ROPN1: variants seen among roughly 807,000 people sequenced by gnomAD.
The protein encoded by ROPN1 is rhophilin associated tail protein 1, also known as ropporin-1A.
A neutral mutation model predicts 20.5 loss-of-function variants in ROPN1; 14 were observed. That is an observed-to-expected ratio of 0.68 (90% CI 0.45 to 1.07). ROPN1 has a LOEUF of 1.07. ROPN1 is among the 50% of genes least tolerant of loss of function. ROPN1 has a pLI of 0.00. For missense variants in ROPN1, 169 were observed against 242.8 expected, an observed-to-expected ratio of 0.70 and a Z score of 2.02; for synonymous variants, 76 against 95.7, an observed-to-expected ratio of 0.79 and a Z score of 1.20.
intron 1 of ROPN1, among the ~76,000 whole-genome samples, chr3:123,984,855 G>C (rs1431814864): frequency 6.6e-6 from 1 of 151,996 alleles, no homozygotes; most frequent in Non-Finnish European, 1.5e-5. Flanking sequence ...ATTCTAGCCG[G>C]CTTACTTGAA....
chr3:123,973,108 A>G (rs2037946742), intron 4 of ROPN1, among the ~76,000 whole-genome samples: 1 of 152,190 alleles, frequency 6.6e-6, no homozygotes, highest in South Asian at 2.1e-4. Context: ...CCTACTTTTA[A>G]GGCCATCACC....
intron 1 of ROPN1, among the ~76,000 whole-genome samples, chr3:123,988,181 T>C (rs1472481114): frequency 6.6e-6 from 1 of 152,088 alleles, no homozygotes; most frequent in African/African-American, 2.4e-5. Context: ...AGTCTTGCTC[T>C]GTCACCCAGG....
intron 1 of ROPN1, among the ~76,000 whole-genome samples, chr3:123,982,099 C>T (rs1480442632): frequency 6.6e-6 from 1 of 152,026 alleles, no homozygotes; most frequent in Non-Finnish European, 1.5e-5. Flanking sequence ...CAGAAAGACT[C>T]AAGGTGAAAA....
At position 123,980,367 on chromosome 3, in the gene ROPN1, C is replaced by T; in HGVS notation, c.115G>A (p.Asp39Asn). Residue 39 changes from aspartate (D) to asparagine (N), a missense_variant and splice_region_variant, in exon 2 of 6, where the codon GAT becomes AAT. This residue lies in a region of ROPN1 where 84 missense variants were observed against 99.3 expected (regional missense o/e 0.85). Coordinates refer to ENST00000405845, the MANE Select transcript of ROPN1 (RefSeq NM_001317774.2). Reference sequence around the variant, plus strand: ...TGAAGGCGAGAAAGGAGCACGTACTCGGCTGCCCACTGGATGAGGTCCTGC... The same window carrying T: ...TGAAGGCGAGAAAGGAGCACGTACTTGGCTGCCCACTGGATGAGGTCCTGC... The part of the protein sequence containing the change: ...QPQDLIQWAA[D>N]YFEALSRGET... 2 of 1,614,176 alleles carry T rather than the reference C, an allele frequency of 1.2e-6. No homozygotes were observed. The highest frequency in any genetic ancestry group is 1.7e-5 in the Admixed American group (1 of 60,032).
intron 2 of ROPN1, among the ~76,000 whole-genome samples, chr3:123,978,300 G>T (rs1002268505): frequency 6.6e-6 from 1 of 152,178 alleles, no homozygotes; most frequent in Non-Finnish European, 1.5e-5. Flanking sequence ...GACAATAGGA[G>T]CAGGGTGTGG....
intron 4 of ROPN1, among the ~76,000 whole-genome samples, chr3:123,973,803 T>G (rs6438821): frequency 0.88 from 134,510 of 152,200 alleles, 59,529 homozygotes; most frequent in East Asian, 1. Flanking sequence ...ATGAGCCAGT[T>G]GGGGAGGCAT....
At chr3:123,972,489 A>G (rs147416154) in intron 4 of ROPN1, among the ~76,000 whole-genome samples, 261 of 152,340 alleles carry the variant, frequency 1.7e-3, no homozygotes, top group Non-Finnish European at 3.1e-3. Context: ...GAACATGATT[A>G]TTTTCTACAT....
Position 123,970,167 on chromosome 3 carries a change from A to T in ROPN1, c.447T>A (p.His149Gln), listed in dbSNP as rs1317058754. The T allele has an allele frequency of 6.2e-7, 1 of 1,614,156 alleles. No individual in the cohort carries two copies. Among genetic ancestry groups the T allele is most frequent in the Non-Finnish European group, 8.5e-7 (1 of 1,179,980 alleles). Residue 149 changes from histidine (H) to glutamine (Q), a missense_variant, in exon 5 of 6, where the codon CAT becomes CAA. Physicochemically the swap from His to Gln is conservative, Grantham distance 24 (BLOSUM62 0). Transcript: ENST00000405845. ...KIVCEVLSCD[H>Q]NGGSPRIPFS... ...ACGGGATCCGGGGCGACCCACCATT[A>T]TGGTCACATGATAAGACCTCACACA...
At chr3:123,971,647 A>G (rs980032086) in intron 4 of ROPN1, among the ~76,000 whole-genome samples, 1 of 152,168 alleles carries the variant, frequency 6.6e-6, no homozygotes. Flanking sequence ...TAAATCATGC[A>G]TGTGAGATGA....
intron 1 of ROPN1, among the ~76,000 whole-genome samples, chr3:123,982,321 C>T (rs10511422): frequency 0.51 from 77,785 of 151,946 alleles, 23,160 homozygotes; most frequent in Non-Finnish European, 0.69. Flanking sequence ...AGGAGTCTCA[C>T]CATGCTAGGT....
At chr3:123,972,226 C>T (rs1036075181) in intron 4 of ROPN1, among the ~76,000 whole-genome samples, 2 of 152,134 alleles carry the variant, frequency 1.3e-5, no homozygotes, top group African/African-American at 4.8e-5. Context: ...AATTCTACTG[C>T]CTCATAAGAT....
chr3:123,980,179 C>T, intron 2 of ROPN1, 187 bp downstream of exon 2: 1 of 634,642 alleles, frequency 1.6e-6, no homozygotes, highest in East Asian at 2.7e-5. Context: ...GGCATCCCAT[C>T]CTTGCCCAGC....
chr3:123,971,335 T>C (rs1377679009), intron 4 of ROPN1, among the ~76,000 whole-genome samples: 2 of 152,238 alleles, frequency 1.3e-5, no homozygotes, highest in African/African-American at 4.8e-5. Context: ...TTTTACTTGA[T>C]GGCAAGTAAT....
chr3:123,970,811 A>G (rs2037901044), intron 4 of ROPN1, among the ~76,000 whole-genome samples: 2 of 152,302 alleles, frequency 1.3e-5, no homozygotes, highest in Admixed American at 6.5e-5. Flanking sequence ...ACTACATAAT[A>G]CTAACCCTTT....
At chr3:123,978,556 T>C (rs1250463234) in intron 2 of ROPN1, 1 of 153,798 alleles carries the variant, frequency 6.5e-6, no homozygotes, top group African/African-American at 2.4e-5. Flanking sequence ...AAATTTGTGT[T>C]GTAACACATG....
chr3:123,982,066 G>A (rs1182237071), intron 1 of ROPN1, among the ~76,000 whole-genome samples: 1 of 151,996 alleles, frequency 6.6e-6, no homozygotes, highest in Non-Finnish European at 1.5e-5. Flanking sequence ...ACAGGTATAG[G>A]TACACCTGAA....
intron 1 of ROPN1, among the ~76,000 whole-genome samples, chr3:123,981,860 T>C (rs1193204924): frequency 6.6e-6 from 1 of 152,068 alleles, no homozygotes; most frequent in Non-Finnish European, 1.5e-5. Flanking sequence ...ATGTAACCAC[T>C]AAATCTGTAG....
intron 2 of ROPN1, 91 bp downstream of exon 2, chr3:123,980,275 C>G (rs1360391475): frequency 8.3e-7 from 1 of 1,202,592 alleles, no homozygotes; most frequent in East Asian, 2.4e-5. Flanking sequence ...TCCGGACTTC[C>G]TAGCTGCAGC....
chr3:123,980,473 C>A lies in ROPN1; in HGVS notation c.9G>T (p.Gln3His), dbSNP rs1353993818. The A allele has an allele frequency of 1.2e-6, 2 of 1,614,066 alleles. No individual in the cohort carries two copies. Among genetic ancestry groups the A allele is most frequent in the East Asian group, 4.5e-5 (2 of 44,878 alleles). The change falls in exon 2 of 6, where the codon CAG becomes CAT. Residue 3 changes from glutamine to histidine, a missense_variant. Coordinates refer to ENST00000405845, the MANE Select transcript of ROPN1 (RefSeq NM_001317774.2). MA[Q>H]TDKPTCIPPE... Reference sequence around the variant, plus strand: ...GCGGGATGCATGTTGGCTTATCTGTCTGAGCCATTGATTGGTTGGCCTATT... The same window carrying A: ...GCGGGATGCATGTTGGCTTATCTGTATGAGCCATTGATTGGTTGGCCTATT...
Sources: gnomAD v4.1 joint callset for allele counts (sites outside exome capture counted in the v4.1 genomes callset) on GRCh38, gnomAD v4.1.1 for gene constraint, gnomAD v4.1.1 regional missense constraint, MANE v1.5 for transcripts, NCBI Gene and HGNC (gene_info 2026-07-23, HGNC 2026-07-21) for gene names.